Variants in MAP4K4 observed in about 807,000 individuals in gnomAD.
MAP4K4 encodes mitogen-activated protein kinase kinase kinase kinase 4, also known as HPK/GCK-like kinase HGK.
A neutral mutation model predicts 189.6 loss-of-function variants in MAP4K4; 38 were observed. That is an observed-to-expected ratio of 0.20 (90% CI 0.15 to 0.26). The LOEUF (loss-of-function observed/expected upper bound fraction) is 0.26. Among genes scored for constraint, MAP4K4 ranks in the 10% least tolerant of loss-of-function variants. MAP4K4 has a pLI of 1.00. For synonymous variants in MAP4K4, 610 were observed against 624.3 expected, an observed-to-expected ratio of 0.98 and a Z score of 0.34; for missense variants, 1,054 against 1,726.9, an observed-to-expected ratio of 0.61 and a Z score of 6.91.
intron 2 of MAP4K4, among the ~76,000 whole-genome samples, chr2:101,789,903 A>G (rs2092557423): frequency 6.6e-6 from 1 of 152,144 alleles, no homozygotes; most frequent in African/African-American, 2.4e-5. Flanking sequence ...CTAGTGATAT[A>G]AATGGGTTAT....
intron 3 of MAP4K4, among the ~76,000 whole-genome samples, chr2:101,804,822 C>T (rs1207288955): frequency 3.9e-5 from 6 of 152,022 alleles, no homozygotes; most frequent in Non-Finnish European, 7.4e-5. Context: ...TGGCTTACGC[C>T]TGTAATCCCA....
chr2:101,702,414 G>A (rs950651550), intron 2 of MAP4K4, among the ~76,000 whole-genome samples: 6 of 151,726 alleles, frequency 4.0e-5, no homozygotes, highest in African/African-American at 1.5e-4. Context: ...TAAAAATACC[G>A]AAAAATTAGC....
chr2:101,826,947 T>A (rs753621173), intron 5 of MAP4K4, among the ~76,000 whole-genome samples: 2 of 152,122 alleles, frequency 1.3e-5, no homozygotes, highest in Non-Finnish European at 2.9e-5. Context: ...ACCCCTACTT[T>A]GCTTGTATGT....
chr2:101,772,587 T>C (rs2082010094), intron 2 of MAP4K4, among the ~76,000 whole-genome samples: 1 of 152,242 alleles, frequency 6.6e-6, no homozygotes, highest in South Asian at 2.1e-4. Flanking sequence ...TTATCGCTGA[T>C]TTTCTGTTAT....
At chr2:101,776,572 ACC>A (rs571647833) in intron 2 of MAP4K4, among the ~76,000 whole-genome samples, 4 of 23,954 alleles carry the variant, frequency 1.7e-4, no homozygotes, top group Non-Finnish European at 3.6e-4. Flanking sequence ...ATGCACCCCC[ACC>A]CCCCCACCCC....
At chr2:101,808,172 A>C (rs900812793) in intron 3 of MAP4K4, among the ~76,000 whole-genome samples, 2 of 152,204 alleles carry the variant, frequency 1.3e-5, no homozygotes, top group African/African-American at 4.8e-5. Flanking sequence ...AAGAATGCCC[A>C]TGGCTCCTTA....
chr2:101,827,705 C>A (rs1167282509), intron 5 of MAP4K4, among the ~76,000 whole-genome samples: 1 of 152,180 alleles, frequency 6.6e-6, no homozygotes, highest in Non-Finnish European at 1.5e-5. Context: ...TAGCAGCAGG[C>A]CAGCGTGTTC....
chr2:101,742,229 TTTCCTTTGGAGGC>T (rs1197486283), intron 2 of MAP4K4, among the ~76,000 whole-genome samples: 4 of 152,090 alleles, frequency 2.6e-5, no homozygotes, highest in Non-Finnish European at 5.9e-5. Context: ...AGCGCTGAAA[TTTCCTTTGGAGGC>T]TTCCCAGGCA....
At chr2:101,762,267 G>T (rs1235148389) in intron 2 of MAP4K4, among the ~76,000 whole-genome samples, 1 of 152,178 alleles carries the variant, frequency 6.6e-6, no homozygotes, top group African/African-American at 2.4e-5. Flanking sequence ...AGAGAATATG[G>T]AGTCTGGCAA....
At chr2:101,760,166 T>G (rs972481302) in intron 2 of MAP4K4, among the ~76,000 whole-genome samples, 2 of 151,852 alleles carry the variant, frequency 1.3e-5, no homozygotes, top group African/African-American at 4.8e-5. Context: ...TTTCTTTTTT[T>G]TTAGATTTAG....
chr2:101,810,052 TTA>T (rs759273934), intron 3 of MAP4K4, among the ~76,000 whole-genome samples: 2 of 152,242 alleles, frequency 1.3e-5, no homozygotes, highest in Non-Finnish European at 2.9e-5. Flanking sequence ...CTTGTATCAC[TTA>T]GTCTGGTGCT....
intron 2 of MAP4K4, among the ~76,000 whole-genome samples, chr2:101,731,126 C>A (rs1004810000): frequency 2.0e-5 from 3 of 151,436 alleles, no homozygotes; most frequent in African/African-American, 7.3e-5. Context: ...TTTATTATTA[C>A]TATTTTTTGA....
At chr2:101,826,896 A>G (rs900989566) in intron 5 of MAP4K4, among the ~76,000 whole-genome samples, 1 of 152,000 alleles carries the variant, frequency 6.6e-6, no homozygotes, top group African/African-American at 2.4e-5. Flanking sequence ...TGTTTTAAAC[A>G]CCCACTCCCT....
intron 13 of MAP4K4, among the ~76,000 whole-genome samples, chr2:101,857,821 G>A (rs544913643): frequency 2.0e-5 from 3 of 152,064 alleles, no homozygotes; most frequent in Non-Finnish European, 2.9e-5. Flanking sequence ...CAGAGATATT[G>A]GTTAACTAAA....
chr2:101,879,153 C>T (rs1443453178), intron 27 of MAP4K4, among the ~76,000 whole-genome samples: 4 of 137,704 alleles, frequency 2.9e-5, no homozygotes, highest in Non-Finnish European at 4.5e-5. Flanking sequence ...TGTGATAGCA[C>T]CACTGCACTC....
intron 2 of MAP4K4, among the ~76,000 whole-genome samples, chr2:101,783,633 G>A (rs1479044585): frequency 2.0e-5 from 3 of 152,082 alleles, no homozygotes; most frequent in Admixed American, 6.6e-5. Context: ...ATAGAAAAAC[G>A]CAACATACTT....
chr2:101,888,727 A>G (rs2098523699), intron 31 of MAP4K4, 69 bp from the exon 32 acceptor site: 6 of 1,135,902 alleles, frequency 5.3e-6, no homozygotes, highest in African/African-American at 1.6e-5. Context: ...TATTTTTATT[A>G]AGTAAGCAAC....
At chr2:101,888,719 T>G in intron 31 of MAP4K4, 77 bp from the exon 32 acceptor site, 1 of 1,065,914 alleles carries the variant, frequency 9.4e-7, no homozygotes, top group Middle Eastern at 2.2e-4. Flanking sequence ...TAAAAATATA[T>G]TTTTATTAAG....
chr2:101,849,029 C>G (rs2097197151), intron 12 of MAP4K4, among the ~76,000 whole-genome samples: 1 of 152,194 alleles, frequency 6.6e-6, no homozygotes, highest in South Asian at 2.1e-4. Context: ...ACTGTGCTCC[C>G]TGGGTCCTTC....
Sources: gnomAD v4.1 joint callset for allele counts (sites outside exome capture counted in the v4.1 genomes callset) on GRCh38, gnomAD v4.1.1 for gene constraint, MANE v1.5 for transcripts, NCBI Gene and HGNC (gene_info 2026-07-23, HGNC 2026-07-21) for gene names.